Variants in FOXP2 observed in about 807,000 individuals in gnomAD.
The protein encoded by FOXP2 is forkhead box P2.
FOXP2 carries 12 observed loss-of-function variants against 115.8 expected under a neutral mutation model. That is an observed-to-expected ratio of 0.10 (90% CI 0.07 to 0.17). The LOEUF is 0.17. Among genes scored for constraint, FOXP2 ranks in the 10% least tolerant of loss-of-function variants. FOXP2 has a pLI of 1.00. For synonymous variants in FOXP2, 328 were observed against 297.7 expected (o/e 1.10, Z -1.05); for missense variants, 629 against 843.5 (o/e 0.75, Z 3.15).
chr7:114,254,154 G>A (rs1338831417), intron 1 of FOXP2, among the ~76,000 whole-genome samples: 5 of 152,118 alleles, frequency 3.3e-5, no homozygotes, highest in African/African-American at 4.8e-5. Flanking sequence ...AGTTTCTGCA[G>A]AGAGATCTGC....
Position 114,690,515 on chromosome 7 carries a change from A to G in FOXP2, c.*589A>G, listed in dbSNP as rs951609008. 11 of 453,972 alleles carry G rather than the reference A, an allele frequency of 2.4e-5. No homozygotes were observed. The highest frequency in any genetic ancestry group is 4.9e-5 in the Non-Finnish European group (11 of 226,778). The allele number at this position is 453,972 out of a possible 1,614,324, so 28.1% of individuals were successfully genotyped here. On this transcript the variant is annotated 3_prime_UTR_variant, in exon 17 of 17. Transcript: ENST00000350908. ...GTTGGTGCCACCAACTGTAAATGACATAAGTTAGTTATTACAAAACACAGT... is the reference window on the plus strand; with the variant it reads ...GTTGGTGCCACCAACTGTAAATGACGTAAGTTAGTTATTACAAAACACAGT...
chr7:114,681,578 T>G (rs1808083068), intron 16 of FOXP2, among the ~76,000 whole-genome samples: 2 of 152,192 alleles, frequency 1.3e-5, no homozygotes, highest in Non-Finnish European at 2.9e-5. Flanking sequence ...AGGAGCACTA[T>G]GTACAGAGCA....
chr7:114,590,160 A>C (rs780190976), intron 3 of FOXP2, among the ~76,000 whole-genome samples: 2 of 152,058 alleles, frequency 1.3e-5, no homozygotes, highest in African/African-American at 2.4e-5. Flanking sequence ...GTTGCAAAAA[A>C]AGTTTAGAGC....
intron 2 of FOXP2, among the ~76,000 whole-genome samples, chr7:114,353,053 G>A (rs1406345415): frequency 1.3e-5 from 2 of 151,974 alleles, no homozygotes; most frequent in Non-Finnish European, 2.9e-5. Context: ...AAATGGGATA[G>A]GTTTTCTTCA....
At chr7:114,161,739 G>A (rs1792840786), upstream of FOXP2, among the ~76,000 whole-genome samples, 1 of 152,004 alleles carries the variant, frequency 6.6e-6, no homozygotes, top group Non-Finnish European at 1.5e-5. Flanking sequence ...TTCAAGATAA[G>A]GCAAGGGGAT....
In FOXP2 at chr7:114,480,743, ATG is replaced by A. The variant is rs1796499021; in HGVS notation, c.169-53872_169-53871del. On this transcript the variant is annotated intron_variant, in intron 2 of 16. Coordinates refer to ENST00000350908, the MANE Select transcript of FOXP2 (RefSeq NM_014491.4). ...TATACATATACACGTATATATGTGT[ATG>A]TATGTATACGTATATATATACGTAT... 2.0e-5 allele frequency among the ~76,000 whole-genome samples: 3 copies of A among 150,524 alleles called. No homozygotes were observed. The South Asian group carries it at 6.2e-4, about 31-fold the overall frequency.
At position 114,229,229 on chromosome 7, in the gene FOXP2, A is replaced by G. The variant is rs543063587; in HGVS notation, c.-101-58790A>G. Among the ~76,000 whole-genome samples the G allele has an allele frequency of 1.3e-3, 192 of 150,988 alleles. 1 individual carries two copies. The highest frequency in any genetic ancestry group is 4.5e-3 in the African/African-American group (185 of 41,402). On this transcript the variant is annotated intron_variant, in intron 1 of 17. Coordinates refer to the FOXP2 transcript ENST00000634411. ...TATAAATATATATTTGTATAAATATATATATTTAATATCCAATGTTAGAGC... is the reference window on the plus strand; with the variant it reads ...TATAAATATATATTTGTATAAATATGTATATTTAATATCCAATGTTAGAGC...
chr7:114,517,072 G>A (rs1798382835), intron 2 of FOXP2, among the ~76,000 whole-genome samples: 1 of 151,344 alleles, frequency 6.6e-6, no homozygotes, highest in Non-Finnish European at 1.5e-5. Flanking sequence ...ACCTCATTGT[G>A]GTTTTATTTT....
chr7:114,683,593 A>G (rs1040080704), intron 16 of FOXP2, among the ~76,000 whole-genome samples: 1 of 152,206 alleles, frequency 6.6e-6, no homozygotes, highest in Non-Finnish European at 1.5e-5. Flanking sequence ...GAGTAGATCA[A>G]TGAAATGTGG....
At chr7:114,184,743 C>G (rs1289247028) in intron 1 of FOXP2, among the ~76,000 whole-genome samples, 1 of 152,042 alleles carries the variant, frequency 6.6e-6, no homozygotes, top group Non-Finnish European at 1.5e-5. Flanking sequence ...TTTGGTAAAG[C>G]AAAAATCAGT....
At chr7:114,511,824 T>G (rs1043675559) in intron 2 of FOXP2, among the ~76,000 whole-genome samples, 4 of 152,150 alleles carry the variant, frequency 2.6e-5, no homozygotes, top group Non-Finnish European at 4.4e-5. Flanking sequence ...GAGGTTATGT[T>G]TAATTGCTAA....
rs993020548 is a variant in FOXP2 at position 114,690,158 on chromosome 7, C to T, written c.*232C>T. 1.0e-5 allele frequency: 5 copies of T among 485,842 alleles called. No homozygotes were observed. The allele number at this position is 485,842 out of a possible 1,614,324, so 30.1% of individuals were successfully genotyped here. On this transcript the variant is annotated 3_prime_UTR_variant, in exon 17 of 17. Coordinates refer to ENST00000350908, the MANE Select transcript of FOXP2 (RefSeq NM_014491.4). ...TTTTTTTTTTTTTTAGAAAAAAAGA[C>T]AAAAACTGATTTTCTTGAAAAAAAA...
At position 114,642,630 on chromosome 7, in the gene FOXP2, C is replaced by T; in HGVS notation, c.989+7C>T. 1 of 1,607,924 alleles carries T rather than the reference C, an allele frequency of 6.2e-7. No homozygotes were observed. The highest frequency in any genetic ancestry group is 8.5e-7 in the Non-Finnish European group (1 of 1,174,944). ...TAAGTGCAAGACGAGACAGGTAAATCTCATGAGCTTTATTCTATATTTATC... is the reference window on the plus strand; with the variant it reads ...TAAGTGCAAGACGAGACAGGTAAATTTCATGAGCTTTATTCTATATTTATC... On this transcript the variant is annotated splice_region_variant and intron_variant, in intron 7 of 16. Transcript: ENST00000350908.
intron 1 of FOXP2, among the ~76,000 whole-genome samples, chr7:114,286,305 C>T (rs564203242): frequency 6.6e-6 from 1 of 151,922 alleles, no homozygotes. Context: ...TAGGTTTTCT[C>T]TCTTTGCCCT....
At chr7:114,411,733 G>A (rs1374098696), upstream of FOXP2, among the ~76,000 whole-genome samples, 1 of 152,094 alleles carries the variant, frequency 6.6e-6, no homozygotes, top group Non-Finnish European at 1.5e-5. Context: ...CTCATTCGAT[G>A]TGTCTTGCTT....
chr7:114,395,708 T>C (rs890940793), intron 2 of FOXP2, among the ~76,000 whole-genome samples: 3 of 152,058 alleles, frequency 2.0e-5, no homozygotes, highest in Non-Finnish European at 4.4e-5. Flanking sequence ...AAAATTTCTG[T>C]GAAAATCATA....
chr7:114,654,229 A>C, intron 10 of FOXP2: 2 of 1,072,266 alleles, frequency 1.9e-6, no homozygotes, highest in East Asian at 3.2e-5. Flanking sequence ...ACACTAAACA[A>C]AGTACACCTA....
At chr7:114,173,173 T>C (rs1793192406) in intron 1 of FOXP2, among the ~76,000 whole-genome samples, 1 of 152,012 alleles carries the variant, frequency 6.6e-6, no homozygotes, top group African/African-American at 2.4e-5. Flanking sequence ...TCTATCATTC[T>C]GAGAAATACT....
intron 4 of FOXP2, 157 bp downstream of exon 4, chr7:114,628,834 C>A (rs748752086): frequency 2.0e-5 from 17 of 851,226 alleles, no homozygotes; most frequent in Non-Finnish European, 2.9e-5. Flanking sequence ...TTATAGAACT[C>A]GTAAGAAAAT....
Sources: allele counts gnomAD v4.1 joint callset (sites outside exome capture counted in the v4.1 genomes callset), GRCh38; gene constraint gnomAD v4.1.1; transcripts MANE v1.5; gene names NCBI Gene and HGNC (gene_info 2026-07-23, HGNC 2026-07-21).